Variants in MCF2L observed in about 807,000 individuals in gnomAD.
MCF2L encodes the protein MCF.2 cell line derived transforming sequence like.
MCF2L carries 97 observed loss-of-function variants against 153.4 expected under a neutral mutation model. The ratio of observed to expected loss-of-function variants is 0.63; its 90% CI spans 0.54 to 0.75. MCF2L has a LOEUF of 0.75. Among genes scored for constraint, MCF2L ranks in the 30% least tolerant of loss-of-function variants. MCF2L has a pLI of 0.00. For missense variants in MCF2L, 1,347 were observed against 1,495.2 expected, an observed-to-expected ratio of 0.90 and a Z score of 1.64; for synonymous variants, 659 against 632.2, an observed-to-expected ratio of 1.04 and a Z score of -0.64.
intron 20 of MCF2L, among the ~76,000 whole-genome samples, 200 bp from the exon 21 acceptor site, chr13:113,085,924 C>T (rs567608): frequency 6.6e-6 from 1 of 150,894 alleles, no homozygotes; most frequent in Non-Finnish European, 1.5e-5. Context: ...TGCCAAGGGT[C>T]TGCACCTGGC....
chr13:113,015,610 C>T (rs556627834), intron 2 of MCF2L, among the ~76,000 whole-genome samples: 12 of 152,296 alleles, frequency 7.9e-5, no homozygotes, highest in African/African-American at 2.9e-4. Flanking sequence ...GCCTCCATCC[C>T]GCACCTGCAC....
chr13:112,945,406 A>G (rs989116233), intron 2 of MCF2L, among the ~76,000 whole-genome samples: 1 of 152,238 alleles, frequency 6.6e-6, no homozygotes, highest in African/African-American at 2.4e-5. Context: ...GACTCCCTGT[A>G]CTTTCTGCCC....
At chr13:113,008,057 C>T (rs189386367) in intron 1 of MCF2L, among the ~76,000 whole-genome samples, 13 of 152,154 alleles carry the variant, frequency 8.5e-5, no homozygotes, top group Non-Finnish European at 1.5e-4. Flanking sequence ...CCTGGGACTA[C>T]AGGCACCTGC....
At chr13:113,095,146 A>T (rs1301279534) in intron 27 of MCF2L, 1 of 1,297,312 alleles carries the variant, frequency 7.7e-7, no homozygotes, top group East Asian at 5.2e-5. Flanking sequence ...ATTTGAAAAA[A>T]CATTCATTGT....
intron 12 of MCF2L, among the ~76,000 whole-genome samples, chr13:113,076,398 G>C (rs2033482854): frequency 6.6e-6 from 1 of 152,018 alleles, no homozygotes; most frequent in East Asian, 1.9e-4. Flanking sequence ...CTGAGTAGCT[G>C]GGATTACAGG....
intron 3 of MCF2L, chr13:113,043,980 G>A (rs2086652394): frequency 6.5e-6 from 1 of 154,040 alleles, no homozygotes; most frequent in Admixed American, 6.4e-5. Context: ...TTGCAGGCGT[G>A]AACCACCACG....
rs191023429 is a variant in MCF2L, at chr13:113,086,269, G to T, written c.2373+20G>T. 1.2e-6 allele frequency: 2 copies of T among 1,606,370 alleles called. No individual in the cohort carries two copies. Among genetic ancestry groups the T allele is most frequent in the Admixed American group, 1.7e-5 (1 of 58,984 alleles). On this transcript the variant is annotated intron_variant, in intron 21 of 29. Coordinates refer to ENST00000535094, the MANE Select transcript of MCF2L (RefSeq NM_001112732.3). ...TATGACGTAAGGCGCCCAGATGCCC[G>T]GTCTTCCCCGCCGCCTCCGTGGAAT...
intron 1 of MCF2L, among the ~76,000 whole-genome samples, chr13:112,994,919 A>G (rs1299373925): frequency 1.3e-5 from 2 of 152,170 alleles, no homozygotes; most frequent in African/African-American, 2.4e-5. Flanking sequence ...GCTCGGTTTT[A>G]TCGCCCAAAA....
At chr13:112,897,588 G>C (rs1380041662) in intron 1 of MCF2L, among the ~76,000 whole-genome samples, 2 of 152,236 alleles carry the variant, frequency 1.3e-5, no homozygotes, top group African/African-American at 4.8e-5. Flanking sequence ...TGTTGAGAAA[G>C]TGAAGAGCAT....
chr13:113,059,068 T>C (rs2030914874), intron 4 of MCF2L, among the ~76,000 whole-genome samples: 1 of 151,540 alleles, frequency 6.6e-6, no homozygotes, highest in South Asian at 2.1e-4. Flanking sequence ...CTACTAGGAT[T>C]CCACAACTGT....
At chr13:113,065,348 A>G in intron 7 of MCF2L, 1 of 496,104 alleles carries the variant, frequency 2.0e-6, no homozygotes, top group East Asian at 3.6e-5. Context: ...CGTTGGGTCA[A>G]CCATTGGCCC....
intron 26 of MCF2L, among the ~76,000 whole-genome samples, chr13:113,091,671 A>T (rs2035232270): frequency 6.6e-6 from 1 of 151,610 alleles, no homozygotes; most frequent in South Asian, 2.1e-4. Context: ...TCCCTGTCCG[A>T]CCCGGACCCT....
At chr13:113,092,930 C>T (rs1165928578) in intron 26 of MCF2L, among the ~76,000 whole-genome samples, 1 of 152,362 alleles carries the variant, frequency 6.6e-6, no homozygotes, top group Admixed American at 6.5e-5. Flanking sequence ...GGTTTCACCC[C>T]GCACAGGCCG....
At chr13:112,900,467 G>A (rs1419733101) in intron 1 of MCF2L, among the ~76,000 whole-genome samples, 2 of 152,234 alleles carry the variant, frequency 1.3e-5, no homozygotes, top group Admixed American at 6.5e-5. Context: ...AACCACACAG[G>A]AGCCAGGACG....
intron 26 of MCF2L, chr13:113,090,543 C>T (rs2035109061): frequency 1.0e-6 from 1 of 985,068 alleles, no homozygotes; most frequent in African/African-American, 1.8e-5. Context: ...GCCGCTCAGC[C>T]ATCTTCTGGG....
chr13:113,087,516 C>A, intron 22 of MCF2L, 60 bp downstream of exon 22: 1 of 1,416,906 alleles, frequency 7.1e-7, no homozygotes, highest in Non-Finnish European at 9.7e-7. Context: ...CGGGGGAAGT[C>A]TGTAACTCGG....
At chr13:112,917,207 G>A (rs528160016) in intron 2 of MCF2L, 142 of 470,358 alleles carry the variant, frequency 3.0e-4, no homozygotes, top group Non-Finnish European at 5.6e-4. Flanking sequence ...CCCGGGCACT[G>A]CACCGCCCTG....
At chr13:112,986,687 G>A (rs1226242083) in intron 1 of MCF2L, among the ~76,000 whole-genome samples, 3 of 152,218 alleles carry the variant, frequency 2.0e-5, no homozygotes, top group Admixed American at 2.0e-4. Context: ...CCATCGGAGG[G>A]TCTGCTGGGC....
chr13:112,931,314 C>T (rs891400276), intron 2 of MCF2L, among the ~76,000 whole-genome samples: 17 of 152,352 alleles, frequency 1.1e-4, no homozygotes, highest in East Asian at 9.6e-4. Context: ...GCCACACAAA[C>T]GCCCCAGGCT....
Sources: allele counts gnomAD v4.1 joint callset (sites outside exome capture counted in the v4.1 genomes callset), GRCh38; gene constraint gnomAD v4.1.1; transcripts MANE v1.5; gene names NCBI Gene and HGNC (gene_info 2026-07-23, HGNC 2026-07-21).